Variants in PCDHGA6 observed in about 807,000 individuals in gnomAD.
PCDHGA6 encodes protocadherin gamma subfamily A, 6, also known as protocadherin gamma-A6.
PCDHGA6 carries 41 observed loss-of-function variants against 60.6 expected under a neutral mutation model. That is an observed-to-expected ratio of 0.68 (90% CI 0.53 to 0.88). The LOEUF (loss-of-function observed/expected upper bound fraction) is 0.88. Among genes scored for constraint, PCDHGA6 ranks in the 40% least tolerant of loss-of-function variants. The pLI is 0.00. For synonymous variants in PCDHGA6, 594 were observed against 524.4 expected (o/e 1.13, Z -1.81); for missense variants, 1,312 against 1,203.0 (o/e 1.09, Z -1.34).
rs57426385 is a variant in PCDHGA6 at position 141,415,740 on chromosome 5, G to GTTTTT, written c.2424+39261_2424+39265dup. 865 of 624,308 alleles carry GTTTTT rather than the reference G, an allele frequency of 1.4e-3. 3 individuals carry two copies. Among genetic ancestry groups the GTTTTT allele is most frequent in the South Asian group, 2.2e-3 (75 of 34,868 alleles). The allele number at this position is 624,308 out of a possible 1,614,324, so 38.7% of individuals were successfully genotyped here. A position where few individuals can be genotyped will look rare whatever the true frequency, so the allele number is the denominator to read the frequency against. ...TGAGTAGAATTTGATGTTTATTAAG[G>GTTTTT]TTTTTTTTTTTTTTTTTTTTTTTTT... is the stretch of plus-strand genomic sequence containing the variant. On this transcript the variant is annotated intron_variant, in intron 1 of 3. Transcript: ENST00000517434.
intron 1 of PCDHGA6, among the ~76,000 whole-genome samples, chr5:141,453,067 C>T (rs1227122711): frequency 1.3e-5 from 2 of 152,024 alleles, no homozygotes; most frequent in Admixed American, 6.6e-5. Flanking sequence ...AGAGTTTTGC[C>T]ACACTCTGGT....
At chr5:141,463,438 CTTTTTTTTTTTTT>C (rs71576115) in intron 1 of PCDHGA6, among the ~76,000 whole-genome samples, 4 of 103,254 alleles carry the variant, frequency 3.9e-5, no homozygotes, top group South Asian at 3.2e-4. Flanking sequence ...TTTCCTTCTC[CTTTTTTTTTTTTT>C]TTTTTTTTTT....
intron 1 of PCDHGA6, chr5:141,399,873 C>T (rs1331485851): frequency 1.9e-6 from 3 of 1,612,836 alleles, no homozygotes; most frequent in Non-Finnish European, 2.5e-6. Context: ...AGCCCGGCTA[C>T]CTGGTGACCA....
intron 1 of PCDHGA6, chr5:141,393,109 G>C (rs2092681202): frequency 1.2e-6 from 2 of 1,613,430 alleles, no homozygotes; most frequent in Non-Finnish European, 1.7e-6. Context: ...TGCGCTCAGA[G>C]CCCGCGGTGT....
chr5:141,452,358 T>C (rs2098739424), intron 1 of PCDHGA6, among the ~76,000 whole-genome samples: 1 of 152,236 alleles, frequency 6.6e-6, no homozygotes, highest in African/African-American at 2.4e-5. Context: ...CCAAAAGCCT[T>C]GCTTCATTTT....
At chr5:141,414,363 T>C in intron 1 of PCDHGA6, 3 of 1,613,910 alleles carry the variant, frequency 1.9e-6, no homozygotes, top group Non-Finnish European at 1.7e-6. Context: ...ATCTACCATT[T>C]AAATTAGAAA....
Position 141,490,685 on chromosome 5 carries a change from A to G in PCDHGA6, c.2425-4122A>G, listed in dbSNP as rs2099703028. On this transcript the variant is annotated intron_variant, in intron 1 of 3. Coordinates refer to ENST00000517434, the MANE Select transcript of PCDHGA6 (RefSeq NM_018919.3). The surrounding 1 kb of genome is among the most constrained non-coding windows in gnomAD (Gnocchi z 5.4). ...TGCACTGTGGCTGCCTCAGATCCAGACACTGGGGATAATGCCCGCCTCACC... is the reference window on the plus strand; with the variant it reads ...TGCACTGTGGCTGCCTCAGATCCAGGCACTGGGGATAATGCCCGCCTCACC... The G allele has an allele frequency of 1.9e-6, 3 of 1,614,030 alleles. No individual in the cohort carries two copies. Among genetic ancestry groups the G allele is most frequent in the South Asian group, 2.2e-5 (2 of 91,082 alleles).
intron 1 of PCDHGA6, chr5:141,383,563 C>G (rs779788206): frequency 1.5e-5 from 25 of 1,613,034 alleles, no homozygotes; most frequent in East Asian, 2.2e-5. Flanking sequence ...CGACCCGCCC[C>G]GATCCAGCAC....
rs769717528 is a variant in PCDHGA6, at chr5:141,390,239, C to G, written c.2424+13732C>G. ...TACTTTGCGGTGATTCATCTGGGGCCTTATTTCCACTTTGTAATTCCAGTG... is the reference window on the plus strand; with the variant it reads ...TACTTTGCGGTGATTCATCTGGGGCGTTATTTCCACTTTGTAATTCCAGTG... On this transcript the variant is annotated intron_variant, in intron 1 of 3. Coordinates refer to ENST00000517434, the MANE Select transcript of PCDHGA6 (RefSeq NM_018919.3). 32 of 1,613,904 alleles carry G rather than the reference C, an allele frequency of 2.0e-5. No homozygotes were observed. In the Admixed American group the frequency reaches 5.3e-4, roughly 27 times the overall value.
chr5:141,381,826 C>CTTTTTTTTTTTTTTTTTTTTTTTTT (rs770630741), intron 1 of PCDHGA6, among the ~76,000 whole-genome samples: 4 of 74,290 alleles, frequency 5.4e-5, no homozygotes, highest in African/African-American at 1.2e-4. Context: ...CTTTCTTCTT[C>CTTTTTTTTTTTTTTTTTTTTTTTTT]TTTTTTTTTT....
intron 1 of PCDHGA6, among the ~76,000 whole-genome samples, chr5:141,475,620 G>A (rs2154572702): frequency 6.6e-6 from 1 of 152,238 alleles, no homozygotes; most frequent in Admixed American, 6.5e-5. Flanking sequence ...TTTTCGGTTT[G>A]GTTCGATCCC....
Position 141,420,935 on chromosome 5 carries a change from A to G in PCDHGA6, c.2424+44428A>G, listed in dbSNP as rs542779087. ...GTGATTCACAAAGGTGAGCGTAATCATTTCTTCTGGAATTTCTTAGTCGTT... is the reference window on the plus strand; with the variant it reads ...GTGATTCACAAAGGTGAGCGTAATCGTTTCTTCTGGAATTTCTTAGTCGTT... On this transcript the variant is annotated intron_variant, in intron 1 of 3. Coordinates refer to ENST00000517434, the MANE Select transcript of PCDHGA6 (RefSeq NM_018919.3). 2.6e-5 allele frequency: 10 copies of G among 380,486 alleles called. 1 individual carries two copies. Among genetic ancestry groups the G allele is most frequent in the African/African-American group, 1.7e-4 (8 of 47,720 alleles). The allele number at this position is 380,486 out of a possible 1,614,324, so 23.6% of individuals were successfully genotyped here.
chr5:141,483,445 C>T (rs1332037230), intron 1 of PCDHGA6, among the ~76,000 whole-genome samples: 1 of 152,106 alleles, frequency 6.6e-6, no homozygotes, highest in Admixed American at 6.5e-5. Context: ...ACAATAAAAT[C>T]ATCAGGACTT....
intron 1 of PCDHGA6, chr5:141,410,537 A>G (rs772317770): frequency 1.1e-5 from 17 of 1,613,760 alleles, no homozygotes; most frequent in African/African-American, 1.3e-5. Flanking sequence ...CAATGAAGAC[A>G]TGGTTTGCAG....
intron 1 of PCDHGA6, chr5:141,376,901 A>G: frequency 5.2e-6 from 1 of 191,460 alleles, no homozygotes. Context: ...GTTAGCCAGG[A>G]TGGTCTCGAT....
intron 1 of PCDHGA6, chr5:141,377,726 A>T (rs1774299499): frequency 6.6e-6 from 1 of 152,240 alleles, no homozygotes; most frequent in Non-Finnish European, 1.5e-5. Context: ...TTGAAAAGAT[A>T]AGAATCATTG....
chr5:141,427,046 C>A (rs916723344), intron 1 of PCDHGA6: 6 of 457,244 alleles, frequency 1.3e-5, no homozygotes, highest in African/African-American at 2.0e-5. Flanking sequence ...AGAATGTGCC[C>A]CCAGGCACCT....
At chr5:141,459,710 C>T (rs2098973565) in intron 1 of PCDHGA6, among the ~76,000 whole-genome samples, 1 of 152,204 alleles carries the variant, frequency 6.6e-6, no homozygotes, top group Non-Finnish European at 1.5e-5. Flanking sequence ...CATTTTCTCA[C>T]CAATGCTTCC....
At chr5:141,421,829 T>G in intron 1 of PCDHGA6, 5 of 1,613,784 alleles carry the variant, frequency 3.1e-6, no homozygotes, top group Non-Finnish European at 4.2e-6. Context: ...GAGGGAAGCC[T>G]GGACCGAGAG....
Sources: allele counts gnomAD v4.1 joint callset (sites outside exome capture counted in the v4.1 genomes callset), GRCh38; gene constraint gnomAD v4.1.1; non-coding constraint Gnocchi (gnomAD v3.1); transcripts MANE v1.5; gene names NCBI Gene and HGNC (gene_info 2026-07-23, HGNC 2026-07-21).